Variants in NBEA observed in about 807,000 individuals in gnomAD.
The protein encoded by NBEA is lysosomal-trafficking regulator 2.
In NBEA, 44 loss-of-function variants were observed where a neutral mutation model predicts 343.4. The observed-to-expected ratio is 0.13, with a 90% confidence interval of 0.10 to 0.16. The LOEUF (loss-of-function observed/expected upper bound fraction) is 0.16. Ranked by LOEUF, NBEA falls within the 10% of genes least tolerant of loss-of-function variation. The probability of loss-of-function intolerance (pLI) is 1.00; values close to 1 mark genes in which losing one functional copy is unlikely to be tolerated. For missense variants in NBEA, 2,555 were observed against 3,631.3 expected, an observed-to-expected ratio of 0.70 and a Z score of 7.62; for synonymous variants, 1,175 against 1,238.7, an observed-to-expected ratio of 0.95 and a Z score of 1.08.
chr13:35,500,945 T>C (rs1389026496), intron 41 of NBEA, among the ~76,000 whole-genome samples: 2 of 152,070 alleles, frequency 1.3e-5, no homozygotes, highest in Admixed American at 1.3e-4. Context: ...ATTATGTTAC[T>C]GTTTAAAGAA....
chr13:35,388,882 G>A (rs2042370139), intron 38 of NBEA, among the ~76,000 whole-genome samples: 1 of 152,074 alleles, frequency 6.6e-6, no homozygotes, highest in South Asian at 2.1e-4. Flanking sequence ...CCACAACTGA[G>A]CACAGAGGTT....
intron 38 of NBEA, among the ~76,000 whole-genome samples, chr13:35,428,928 C>T (rs191925280): frequency 3.3e-4 from 50 of 152,296 alleles, no homozygotes; most frequent in Admixed American, 1.7e-3. Context: ...CTAAGTTCTT[C>T]ACTTGGCCTC....
At position 35,041,760 on chromosome 13, in the gene NBEA, T is replaced by C. The variant is rs536459252; in HGVS notation, c.526+596T>C. ...TTTGGGTGATTTCAAACAATAACTT[T>C]GAAATCTATAATTTTTTCACCACCA... On this transcript the variant is annotated intron_variant, in intron 2 of 58. Coordinates refer to ENST00000379939, the MANE Select transcript of NBEA (RefSeq NM_001385012.1). Among the ~76,000 whole-genome samples, 412 of 152,100 alleles carry C rather than the reference T, an allele frequency of 2.7e-3. 4 individuals are homozygous for C. Among genetic ancestry groups the C allele is most frequent in the African/African-American group, 9.6e-3 (398 of 41,552 alleles).
intron 48 of NBEA, among the ~76,000 whole-genome samples, chr13:35,613,449 G>A (rs7334618): frequency 0.22 from 34,120 of 151,716 alleles, 4,032 homozygotes; most frequent in Non-Finnish European, 0.24. Flanking sequence ...CCATTCATTC[G>A]TTGGTAGACA....
At chr13:35,350,832 G>C (rs543078891) in intron 37 of NBEA, among the ~76,000 whole-genome samples, 1 of 149,530 alleles carries the variant, frequency 6.7e-6, no homozygotes, top group Admixed American at 6.7e-5. Context: ...ATGACATTTT[G>C]CTAGAACTTT....
intron 35 of NBEA, among the ~76,000 whole-genome samples, chr13:35,306,292 A>G (rs2036888607): frequency 6.6e-6 from 1 of 152,110 alleles, no homozygotes; most frequent in South Asian, 2.1e-4. Context: ...CCTAGAAAAT[A>G]TTTGAAATTC....
chr13:35,112,857 G>A (rs1423960577), intron 13 of NBEA, among the ~76,000 whole-genome samples: 1 of 151,944 alleles, frequency 6.6e-6, no homozygotes, highest in South Asian at 2.1e-4. Context: ...ATACTTTATT[G>A]TGTATTTCCT....
chr13:35,168,133 T>C (rs1489449999), intron 24 of NBEA, among the ~76,000 whole-genome samples: 1 of 151,736 alleles, frequency 6.6e-6, no homozygotes, highest in Non-Finnish European at 1.5e-5. Flanking sequence ...TGTTCTTTTG[T>C]TTATGTCATA....
At chr13:35,301,656 C>T (rs1030154654) in intron 35 of NBEA, among the ~76,000 whole-genome samples, 5 of 152,158 alleles carry the variant, frequency 3.3e-5, no homozygotes, top group Admixed American at 3.3e-4. Flanking sequence ...CATACATGTG[C>T]ATGTGTTTTT....
chr13:35,106,661 A>G (rs1191176878), intron 11 of NBEA, among the ~76,000 whole-genome samples: 6 of 151,998 alleles, frequency 3.9e-5, no homozygotes, highest in Non-Finnish European at 7.4e-5. Flanking sequence ...TGAGTAGGTC[A>G]ATAAAAAGAC....
intron 23 of NBEA, among the ~76,000 whole-genome samples, chr13:35,163,420 A>G (rs563647883): frequency 6.6e-6 from 1 of 152,056 alleles, no homozygotes; most frequent in East Asian, 1.9e-4. Context: ...TTGGGAGGCC[A>G]AGGCGGGAGG....
intron 48 of NBEA, among the ~76,000 whole-genome samples, chr13:35,614,931 A>C (rs902919437): frequency 3.3e-5 from 5 of 152,092 alleles, no homozygotes; most frequent in Admixed American, 1.3e-4. Flanking sequence ...AGGATATCAT[A>C]ATGGCAATGA....
In NBEA at chr13:35,611,888, A is replaced by G. The variant is rs544393063; in HGVS notation, c.7449+5310A>G. Among the ~76,000 whole-genome samples the G allele has an allele frequency of 5.9e-5, 9 of 152,332 alleles. No individual in the cohort carries two copies. The South Asian group carries it at 1.4e-3, about 25-fold the overall frequency. ...TATGAACAGTCATATACAAATTTCT[A>G]TGTGAACATACATTTTTATTTATTT... On this transcript the variant is annotated intron_variant, in intron 48 of 58. Coordinates refer to ENST00000379939, the MANE Select transcript of NBEA (RefSeq NM_001385012.1).
rs1396924249 is a variant in NBEA at position 35,298,229 on chromosome 13, A to G, written c.5838+7779A>G. On this transcript the variant is annotated intron_variant, in intron 35 of 58. Transcript: ENST00000379939. ...TGTGTGTGTATATATATATATATATATATATATATATATATATATGTATAT... is the reference window on the plus strand; with the variant it reads ...TGTGTGTGTATATATATATATATATGTATATATATATATATATATGTATAT... Among the ~76,000 whole-genome samples, 63 of 142,332 alleles carry G rather than the reference A, an allele frequency of 4.4e-4. 1 individual carries two copies. The highest frequency in any genetic ancestry group is 1.3e-3 in the South Asian group (6 of 4,494). 93.4% of individuals were successfully genotyped at this position (142,332 alleles called of 152,430 possible). A position where few individuals can be genotyped will look rare whatever the true frequency, so the allele number is the denominator to read the frequency against.
chr13:35,523,534 A>G (rs2077820791), intron 41 of NBEA, among the ~76,000 whole-genome samples: 1 of 152,184 alleles, frequency 6.6e-6, no homozygotes, highest in African/African-American at 2.4e-5. Flanking sequence ...GAGAGACAGC[A>G]GCTTAAAGTG....
At chr13:35,249,719 C>G (rs970266692) in intron 34 of NBEA, among the ~76,000 whole-genome samples, 1 of 152,134 alleles carries the variant, frequency 6.6e-6, no homozygotes, top group Non-Finnish European at 1.5e-5. Context: ...AATTCCAGTT[C>G]TGGGTTTATA....
intron 34 of NBEA, among the ~76,000 whole-genome samples, chr13:35,257,893 T>C (rs1213548932): frequency 6.6e-6 from 1 of 152,158 alleles, no homozygotes; most frequent in Non-Finnish European, 1.5e-5. Flanking sequence ...AACAGTTTTT[T>C]CACAATCTAA....
chr13:35,309,018 G>A (rs925717584), intron 35 of NBEA, among the ~76,000 whole-genome samples: 3 of 151,514 alleles, frequency 2.0e-5, no homozygotes, highest in Non-Finnish European at 4.4e-5. Context: ...TTTCTAATTA[G>A]CATTAAATAA....
chr13:34,942,919 T>G lies in NBEA; in HGVS notation c.99T>G (p.Gly33=), dbSNP rs1593242467. Residue 33 remains glycine (G), a synonymous_variant, in exon 1 of 59, where the codon GGT becomes GGG. Coordinates refer to ENST00000379939, the MANE Select transcript of NBEA (RefSeq NM_001385012.1). ...CTGGCGGAGGCGGCGGGGGCAGCGG[T>G]GGTGGCGGCACCGGGGGCAGCGGGA... is the stretch of plus-strand genomic sequence containing the variant. ...GAAGGGGGGS[G]GGGTGGSGMG... 3 of 1,490,584 alleles carry G rather than the reference T, an allele frequency of 2.0e-6. No homozygotes were observed. Among genetic ancestry groups the G allele is most frequent in the Non-Finnish European group, 1.8e-6 (2 of 1,118,716 alleles). 92.3% of individuals were successfully genotyped at this position (1,490,584 alleles called of 1,614,324 possible). A position where few individuals can be genotyped will look rare whatever the true frequency, so the allele number is the denominator to read the frequency against.
Sources: gnomAD v4.1 joint callset for allele counts (sites outside exome capture counted in the v4.1 genomes callset) on GRCh38, gnomAD v4.1.1 for gene constraint, MANE v1.5 for transcripts, NCBI Gene and HGNC (gene_info 2026-07-23, HGNC 2026-07-21) for gene names.